The following RIMKLB variants were observed in gnomAD, a reference collection of about 807,000 sequenced individuals.
The protein encoded by RIMKLB is beta-citrylglutamate synthase B.
Under a neutral mutation model 32.0 loss-of-function variants are expected in RIMKLB, and 7 were observed. The observed-to-expected ratio is 0.22, with a 90% CI of 0.12 to 0.41. The LOEUF (loss-of-function observed/expected upper bound fraction) is 0.41, where lower values mean the gene tolerates loss of function less well. Among genes scored for constraint, RIMKLB ranks in the 10% least tolerant of loss-of-function variants. The pLI is 1.00. For synonymous variants in RIMKLB, 172 were observed against 185.1 expected (o/e 0.93, Z 0.57); for missense variants, 289 against 498.7 (o/e 0.58, Z 4.00).
intron 2 of RIMKLB, among the ~76,000 whole-genome samples, chr12:8,749,219 ATT>A (rs34847350): frequency 0.01 from 1,460 of 140,978 alleles, 19 homozygotes; most frequent in African/African-American, 0.036. Flanking sequence ...AACCACTTAG[ATT>A]TTTTTTTTTT....
intron 5 of RIMKLB, among the ~76,000 whole-genome samples, chr12:8,757,066 C>G (rs1436032188): frequency 6.6e-6 from 1 of 152,088 alleles, no homozygotes; most frequent in African/African-American, 2.4e-5. Context: ...ATAACACGTC[C>G]TGCTGACTAG....
At chr12:8,711,362 G>C (rs1944360545) in intron 1 of RIMKLB, among the ~76,000 whole-genome samples, 2 of 152,056 alleles carry the variant, frequency 1.3e-5, no homozygotes, top group Admixed American at 1.3e-4. Context: ...TTGCACCACT[G>C]CACTCCAGCC....
chr12:8,668,777 T>A, the RIMKLB span: 2 of 152,188 alleles, frequency 1.3e-5, no homozygotes, highest in Non-Finnish European at 2.9e-5. Context: ...CCTGAGATGA[T>A]GACAGCACCA....
the RIMKLB span, among the ~76,000 whole-genome samples, chr12:8,669,891 G>A: frequency 6.6e-6 from 1 of 151,814 alleles, no homozygotes; most frequent in African/African-American, 2.4e-5. Context: ...GCCGGGCGTG[G>A]TGGCGGGTGC....
chr12:8,676,646 G>A (rs112804701), upstream of RIMKLB, among the ~76,000 whole-genome samples: 2,431 of 151,774 alleles, frequency 0.016, 42 homozygotes, highest in African/African-American at 0.046. Context: ...TGGTCCACCC[G>A]CCTCGGCTTC....
At chr12:8,684,296 C>A (rs1326428971) in intron 1 of RIMKLB, among the ~76,000 whole-genome samples, 1 of 151,674 alleles carries the variant, frequency 6.6e-6, no homozygotes, top group Non-Finnish European at 1.5e-5. Context: ...CCTCAGCCTC[C>A]CGAGTAACTG....
intron 5 of RIMKLB, among the ~76,000 whole-genome samples, chr12:8,772,477 C>CA (rs1950492196): frequency 6.6e-6 from 1 of 152,216 alleles, no homozygotes; most frequent in Admixed American, 6.5e-5. Context: ...TACATGGCCT[C>CA]AGTCTTAGAA....
chr12:8,730,783 A>C (rs1220381682), intron 2 of RIMKLB, among the ~76,000 whole-genome samples: 1 of 152,106 alleles, frequency 6.6e-6, no homozygotes, highest in African/African-American at 2.4e-5. Flanking sequence ...TCTGTCGTCC[A>C]GGCTGGAGTG....
intron 2 of RIMKLB, among the ~76,000 whole-genome samples, chr12:8,746,109 CT>C (rs1469564284): frequency 6.6e-6 from 1 of 151,784 alleles, no homozygotes; most frequent in East Asian, 1.9e-4. Context: ...CTTTAAAATC[CT>C]TATGTCATTA....
chr12:8,722,894 A>G (rs962475705), intron 2 of RIMKLB, among the ~76,000 whole-genome samples: 4 of 152,214 alleles, frequency 2.6e-5, no homozygotes, highest in African/African-American at 7.2e-5. Flanking sequence ...TCAGCCTTCA[A>G]AGAATTGGAG....
intron 2 of RIMKLB, among the ~76,000 whole-genome samples, chr12:8,716,856 T>TA (rs1944905418): frequency 6.6e-6 from 1 of 150,538 alleles, no homozygotes; most frequent in Admixed American, 6.6e-5. Context: ...CCCACCTCAG[T>TA]AGCTCTTTCT....
At chr12:8,778,221 TG>T (rs1950846282), downstream of RIMKLB, among the ~76,000 whole-genome samples, 1 of 152,164 alleles carries the variant, frequency 6.6e-6, no homozygotes, top group African/African-American at 2.4e-5. Context: ...TTGACAGGTA[TG>T]GAAAACTAGA....
At chr12:8,781,399 GATAACAAAGAGTATAATTGGAAAAAAA>G (rs1326595815), downstream of RIMKLB, among the ~76,000 whole-genome samples, 1 of 152,136 alleles carries the variant, frequency 6.6e-6, no homozygotes, top group African/African-American at 2.4e-5. Context: ...AGCTTTGGGA[GATAACAAAGAGTATAATTGGAAAAAAA>G]ATTACTGAGG....
intron 1 of RIMKLB, among the ~76,000 whole-genome samples, chr12:8,707,981 A>G (rs1944044884): frequency 6.6e-6 from 1 of 152,174 alleles, no homozygotes. Context: ...TTAACTGACA[A>G]ATGGAATAAA....
At chr12:8,687,864 A>G (rs1942621863) in intron 1 of RIMKLB, among the ~76,000 whole-genome samples, 1 of 151,150 alleles carries the variant, frequency 6.6e-6, no homozygotes, top group South Asian at 2.1e-4. Flanking sequence ...GGAGAGCTTC[A>G]AGAAACAATT....
At position 8,773,902 on chromosome 12, in the gene RIMKLB, T is replaced by G; in HGVS notation, c.*118T>G. 6.9e-7 allele frequency: 1 copy of G among 1,448,772 alleles called. No homozygotes were observed. 89.7% of individuals were successfully genotyped at this position (1,448,772 alleles called of 1,614,324 possible). ...GCTCAGGAAGATGAGAGAAAATTAG[T>G]AGGATTAGTTGGAGAGAGTGGGAGA... On this transcript the variant is annotated 3_prime_UTR_variant, in exon 6 of 6. Transcript: ENST00000535829.
chr12:8,757,952 GTCTTTTTT>G (rs1401801495), intron 5 of RIMKLB, among the ~76,000 whole-genome samples: 1 of 149,032 alleles, frequency 6.7e-6, no homozygotes, highest in Admixed American at 6.7e-5. Context: ...GTGAACTTTT[GTCTTTTTT>G]TTTTTTTTCC....
chr12:8,701,971 A>G (rs991186955), intron 1 of RIMKLB, among the ~76,000 whole-genome samples: 7 of 151,828 alleles, frequency 4.6e-5, no homozygotes. Context: ...GTACCACTGC[A>G]CTCAAGTCTG....
chr12:8,711,040 A>AC, intron 1 of RIMKLB, among the ~76,000 whole-genome samples: 1 of 152,060 alleles, frequency 6.6e-6, no homozygotes, highest in Non-Finnish European at 1.5e-5. Flanking sequence ...ATTTTGGGCA[A>AC]CATGGCAAAA....
Sources: allele counts gnomAD v4.1 joint callset (sites outside exome capture counted in the v4.1 genomes callset), GRCh38; gene constraint gnomAD v4.1.1; transcripts MANE v1.5; gene names NCBI Gene and HGNC (gene_info 2026-07-23, HGNC 2026-07-21).